BANP: variants seen among roughly 807,000 people sequenced by gnomAD.
BANP encodes protein BANP.
BANP carries 11 observed loss-of-function variants against 68.1 expected under a neutral mutation model. That is an observed-to-expected ratio of 0.16 (90% confidence interval 0.10 to 0.27). The LOEUF (loss-of-function observed/expected upper bound fraction) is 0.27, where lower values mean the gene tolerates loss of function less well. Ranked by LOEUF, BANP falls within the 10% of genes least tolerant of loss-of-function variation. The pLI, the probability that BANP is intolerant of heterozygous loss-of-function variation, is 1.00. For missense variants in BANP, 504 were observed against 722.7 expected, an observed-to-expected ratio of 0.70 and a Z score of 3.47; for synonymous variants, 329 against 303.2, an observed-to-expected ratio of 1.09 and a Z score of -0.88.
At chr16:88,028,419 G>A (rs184901257) in intron 8 of BANP, among the ~76,000 whole-genome samples, 1 of 152,310 alleles carries the variant, frequency 6.6e-6, no homozygotes, top group African/African-American at 2.4e-5. Context: ...TTCTCCCGGG[G>A]CCTGGTTCTT....
chr16:87,972,012 T>A (rs2061219475), intron 1 of BANP, among the ~76,000 whole-genome samples: 1 of 152,146 alleles, frequency 6.6e-6, no homozygotes, highest in African/African-American at 2.4e-5. Context: ...AGGCTGCTCT[T>A]GAGCTATCAA....
intron 4 of BANP, among the ~76,000 whole-genome samples, chr16:87,989,740 C>T (rs1366165337): frequency 7.3e-6 from 1 of 136,636 alleles, no homozygotes. Context: ...CGTGGCTGCG[C>T]GCATCCAGGA....
intron 11 of BANP, among the ~76,000 whole-genome samples, chr16:88,046,581 T>C (rs1224542985): frequency 6.6e-6 from 1 of 152,066 alleles, no homozygotes; most frequent in African/African-American, 2.4e-5. Flanking sequence ...AGTCTTGCTC[T>C]GTTGCCCAGG....
intron 3 of BANP, among the ~76,000 whole-genome samples, chr16:87,983,168 T>G (rs1598083635): frequency 6.6e-6 from 1 of 152,222 alleles, no homozygotes; most frequent in Non-Finnish European, 1.5e-5. Context: ...AATTCTGTGC[T>G]GTTTTCAGCT....
chr16:88,053,408 C>CCTT (rs2152834758), intron 11 of BANP, among the ~76,000 whole-genome samples: 1 of 151,898 alleles, frequency 6.6e-6, no homozygotes, highest in African/African-American at 2.4e-5. Context: ...ATCACCAACA[C>CCTT]AACCACCTTT....
intron 12 of BANP, among the ~76,000 whole-genome samples, chr16:88,068,986 C>T (rs186430381): frequency 2.1e-4 from 31 of 150,810 alleles, no homozygotes; most frequent in Admixed American, 1.0e-3. Context: ...CAGCCCCCTG[C>T]CCCTGCACCC....
At chr16:87,975,393 C>T (rs1052195187) in intron 2 of BANP, among the ~76,000 whole-genome samples, 1 of 152,318 alleles carries the variant, frequency 6.6e-6, no homozygotes, top group East Asian at 1.9e-4. Flanking sequence ...CTGGAGGGGG[C>T]CCCTGTGACA....
At position 88,076,696 on chromosome 16, in the gene BANP, T is replaced by A. The variant is rs763420504; in HGVS notation, c.*35T>A. 2 of 1,578,838 alleles carry A rather than the reference T, an allele frequency of 1.3e-6. No homozygotes were observed. The highest frequency in any genetic ancestry group is 1.7e-6 in the Non-Finnish European group (2 of 1,163,194). On this transcript the variant is annotated 3_prime_UTR_variant, in exon 14 of 14. Transcript: ENST00000682872. ...ATGGCACCAGGAGCCCCTCGCCGGC[T>A]CCGCCTACGGCCCGGCCCCCACGCG...
chr16:88,068,463 T>G (rs920972230), intron 12 of BANP, among the ~76,000 whole-genome samples: 1 of 152,192 alleles, frequency 6.6e-6, no homozygotes, highest in Non-Finnish European at 1.5e-5. Context: ...TCAGGCAGCT[T>G]GCTTTATTCA....
chr16:87,987,888 C>T (rs1424234239), intron 4 of BANP, among the ~76,000 whole-genome samples: 1 of 151,994 alleles, frequency 6.6e-6, no homozygotes, highest in African/African-American at 2.4e-5. Context: ...ACCTCAGCCT[C>T]CCGAGTGGCT....
At chr16:88,070,686 G>A (rs985230216) in intron 12 of BANP, among the ~76,000 whole-genome samples, 1 of 152,282 alleles carries the variant, frequency 6.6e-6, no homozygotes, top group South Asian at 2.1e-4. Flanking sequence ...CACGTGGGGG[G>A]CCTGCAGGCC....
At chr16:88,020,498 A>G (rs2075811657) in intron 7 of BANP, among the ~76,000 whole-genome samples, 1 of 152,184 alleles carries the variant, frequency 6.6e-6, no homozygotes, top group Non-Finnish European at 1.5e-5. Flanking sequence ...AATGGCCCTG[A>G]TGGCAGAGCG....
At chr16:88,010,461 G>A (rs2072726439) in intron 6 of BANP, among the ~76,000 whole-genome samples, 1 of 152,234 alleles carries the variant, frequency 6.6e-6, no homozygotes, top group Non-Finnish European at 1.5e-5. Flanking sequence ...AGTGAAGGCT[G>A]GTGAGGCACA....
Position 87,989,592 on chromosome 16 carries a change from TGACGGGG to T in BANP, c.362+5336_362+5342del, listed in dbSNP as rs1567678074. ...TCCAGGACACAGGACACAGGGCGGGTGACGGGGGATGCAGGCCCGCGTGGCTGCGCGC... is the reference window on the plus strand; with the variant it reads ...TCCAGGACACAGGACACAGGGCGGGTGATGCAGGCCCGCGTGGCTGCGCGC... On this transcript the variant is annotated intron_variant, in intron 4 of 13. Coordinates refer to ENST00000682872, the MANE Select transcript of BANP (RefSeq NM_001386991.1). 6.8e-4 allele frequency among the ~76,000 whole-genome samples: 69 copies of T among 101,902 alleles called. 6 individuals carry two copies. Among genetic ancestry groups the T allele is most frequent in the Non-Finnish European group, 7.2e-4 (35 of 48,664 alleles). The allele number at this position is 101,902 out of a possible 152,430, so 66.9% of individuals were successfully genotyped here.
Position 88,027,463 on chromosome 16 carries a change from C to T in BANP, c.896-20C>T, listed in dbSNP as rs771333866. The T allele has an allele frequency of 1.9e-6, 3 of 1,612,704 alleles. No homozygotes were observed. The highest frequency in any genetic ancestry group is 2.2e-5 in the East Asian group (1 of 44,788). On this transcript the variant is annotated intron_variant, in intron 7 of 13. Coordinates refer to ENST00000682872, the MANE Select transcript of BANP (RefSeq NM_001386991.1). The stretch of plus-strand genomic sequence containing the variant: ...GTCCCGAACAGGCCTCACCGCTTCT[C>T]CTTGGATGTGTCCTTCCAGGTCACC...
chr16:88,069,334 T>C (rs971176762), intron 12 of BANP, among the ~76,000 whole-genome samples: 1 of 152,176 alleles, frequency 6.6e-6, no homozygotes, highest in East Asian at 1.9e-4. Flanking sequence ...ACAAATTCAT[T>C]GTTAAAAAAA....
At chr16:88,046,947 TC>T (rs371268878) in intron 11 of BANP, among the ~76,000 whole-genome samples, 67 of 151,844 alleles carry the variant, frequency 4.4e-4, no homozygotes, top group African/African-American at 1.5e-3. Flanking sequence ...GCGCCTGTAC[TC>T]CCAGCTACTC....
chr16:88,053,409 AACC>A (rs774718045), intron 11 of BANP, among the ~76,000 whole-genome samples: 1 of 142,470 alleles, frequency 7.0e-6, no homozygotes, highest in East Asian at 2.1e-4. Flanking sequence ...TCACCAACAC[AACC>A]ACCTTTACCA....
intron 1 of BANP, among the ~76,000 whole-genome samples, chr16:87,953,536 T>C (rs2057411835): frequency 6.6e-6 from 1 of 152,168 alleles, no homozygotes; most frequent in Non-Finnish European, 1.5e-5. Flanking sequence ...AGCCTTGTCT[T>C]TCTATTACGA....
Sources: gnomAD v4.1 joint callset for allele counts (sites outside exome capture counted in the v4.1 genomes callset) on GRCh38, gnomAD v4.1.1 for gene constraint, MANE v1.5 for transcripts, NCBI Gene and HGNC (gene_info 2026-07-23, HGNC 2026-07-21) for gene names.